The following PCM1 variants were observed in gnomAD, a reference collection of about 807,000 sequenced individuals.
PCM1 encodes the protein pericentriolar material 1 protein.
PCM1 carries 157 observed loss-of-function variants against 241.9 expected under a neutral mutation model. The observed-to-expected ratio is 0.65, with a 90% CI of 0.57 to 0.74. The LOEUF is 0.74. Among genes scored for constraint, PCM1 ranks in the 30% least tolerant of loss-of-function variants. The pLI is 0.00. For synonymous variants in PCM1, 1,085 were observed against 784.9 expected, an observed-to-expected ratio of 1.38 and a Z score of -6.39; for missense variants, 3,478 against 2,360.1, an observed-to-expected ratio of 1.47 and a Z score of -9.81.
chr8:17,990,972 C>T (rs1442191403), intron 27 of PCM1, among the ~76,000 whole-genome samples: 1 of 152,090 alleles, frequency 6.6e-6, no homozygotes, highest in African/African-American at 2.4e-5. Context: ...CCAACCCTCA[C>T]CCCTTAGGTT....
chr8:17,984,991 T>C (rs36049816), intron 24 of PCM1, among the ~76,000 whole-genome samples: 71,568 of 151,718 alleles, frequency 0.47, 18,925 homozygotes, highest in Non-Finnish European at 0.62. Flanking sequence ...CTTAATCTAG[T>C]AGCTTTCATT....
At chr8:17,961,304 CTT>C (rs35468848) in intron 15 of PCM1, among the ~76,000 whole-genome samples, 5 of 79,138 alleles carry the variant, frequency 6.3e-5, no homozygotes, top group East Asian at 4.2e-4. Flanking sequence ...TATTGGCTAG[CTT>C]TTTTTTTTTT....
At chr8:17,934,156 C>T (rs1389882570) in intron 2 of PCM1, among the ~76,000 whole-genome samples, 1 of 152,022 alleles carries the variant, frequency 6.6e-6, no homozygotes, top group Non-Finnish European at 1.5e-5. Flanking sequence ...TCTACTTTTT[C>T]AGAGTTGATA....
chr8:17,996,336 T>C (rs965080746), intron 29 of PCM1, among the ~76,000 whole-genome samples: 3 of 152,246 alleles, frequency 2.0e-5, no homozygotes, highest in African/African-American at 2.4e-5. Flanking sequence ...ATGTATTACA[T>C]TGATTGATTT....
At chr8:17,989,328 G>A (rs979042000) in intron 26 of PCM1, among the ~76,000 whole-genome samples, 34 of 151,998 alleles carry the variant, frequency 2.2e-4, no homozygotes, top group South Asian at 1.0e-3. Flanking sequence ...CAGTGGAAAT[G>A]GTCTTTATCT....
rs1554670204 is a variant in PCM1 at position 17,960,533 on chromosome 8, C to CTTTTCTTTTTT, written c.2322+93_2322+94insCTTTTTTTTTT. The CTTTTCTTTTTT allele has an allele frequency of 9.9e-5, 60 of 604,500 alleles. 1 individual carries two copies. The East Asian group carries it at 1.9e-3, about 19-fold the overall frequency. The allele number at this position is 604,500 out of a possible 1,614,324, so 37.4% of individuals were successfully genotyped here. A position where few individuals can be genotyped will look rare whatever the true frequency, so the allele number is the denominator to read the frequency against. Reference sequence around the variant, plus strand: ...AGTACTCTTTTTTGTTTTTGTTTTTCTTTTTTTTTGAGGCAGAGTCTCACT... The same window carrying CTTTTCTTTTTT: ...AGTACTCTTTTTTGTTTTTGTTTTTCTTTTCTTTTTTTTTTTTTTTGAGGCAGAGTCTCACT... On this transcript the variant is annotated intron_variant, in intron 15 of 38. Coordinates refer to ENST00000325083, the MANE Select transcript of PCM1 (RefSeq NM_006197.4).
rs1208336026 is a variant in PCM1 at position 17,956,604 on chromosome 8, G to T, written c.1473G>T (p.Gln491His). ...TATACATAAATTTTTTGTTTATCAGGAAGTTAAATGAAGTTCGAAAGAGAT... is the reference window on the plus strand; with the variant it reads ...TATACATAAATTTTTTGTTTATCAGTAAGTTAAATGAAGTTCGAAAGAGAT... ...EGHLNPSEKL[Q>H]KLNEVRKRLN... is the part of the protein sequence containing the mutation. The change falls in exon 11 of 39, where the codon CAG becomes CAT. Residue 491 changes from glutamine (Q) to histidine (H), a missense_variant and splice_region_variant. Transcript: ENST00000325083. 6.4e-7 allele frequency: 1 copy of T among 1,567,766 alleles called. No homozygotes were observed. Among genetic ancestry groups the T allele is most frequent in the Admixed American group, 1.8e-5 (1 of 54,352 alleles).
chr8:18,003,831 T>A (rs1053765682), intron 29 of PCM1, among the ~76,000 whole-genome samples: 1 of 152,146 alleles, frequency 6.6e-6, no homozygotes, highest in African/African-American at 2.4e-5. Context: ...TATATAGATA[T>A]TTATCTCAGA....
intron 6 of PCM1, among the ~76,000 whole-genome samples, chr8:17,946,321 G>A (rs1256326921): frequency 1.3e-5 from 2 of 151,982 alleles, no homozygotes; most frequent in African/African-American, 4.8e-5. Context: ...TATAAAATTC[G>A]TTATTTTCTT....
intron 29 of PCM1, among the ~76,000 whole-genome samples, chr8:18,004,342 A>T (rs561614855): frequency 6.6e-6 from 1 of 152,298 alleles, no homozygotes; most frequent in East Asian, 1.9e-4. Flanking sequence ...TTAGTTGGCT[A>T]AAGTGGCTAG....
intron 34 of PCM1, among the ~76,000 whole-genome samples, chr8:18,013,446 C>T (rs1471383549): frequency 6.6e-6 from 1 of 152,210 alleles, no homozygotes; most frequent in African/African-American, 2.4e-5. Flanking sequence ...CTGCCATTTT[C>T]TGTTGAGGTG....
chr8:17,992,668 A>G (rs1023640168), intron 28 of PCM1, among the ~76,000 whole-genome samples: 15 of 149,166 alleles, frequency 1.0e-4, no homozygotes, highest in African/African-American at 3.5e-4. Flanking sequence ...CCAGGCTGCA[A>G]TGCAGTGGCA....
At chr8:17,973,717 G>GAAA (rs756070246) in intron 23 of PCM1, among the ~76,000 whole-genome samples, 2 of 112,606 alleles carry the variant, frequency 1.8e-5, no homozygotes, top group Non-Finnish European at 3.8e-5. Context: ...GTCTCTGTCA[G>GAAA]AAAAAAAAAA....
chr8:17,950,375 A>G (rs2065577596), intron 7 of PCM1, among the ~76,000 whole-genome samples: 1 of 152,180 alleles, frequency 6.6e-6, no homozygotes, highest in Non-Finnish European at 1.5e-5. Flanking sequence ...CCCTCCTTGT[A>G]TGTTGGGACA....
rs780703131 is a variant in PCM1, at chr8:17,989,974, A to G, written c.4526A>G (p.Asp1509Gly). Residue 1509 changes from aspartate to glycine, a missense_variant, in exon 27 of 39, where the codon GAT becomes GGT. By Grantham distance (94) the Asp-to-Gly change is moderately conservative. Coordinates refer to ENST00000325083, the MANE Select transcript of PCM1 (RefSeq NM_006197.4). ...SSNFEPFATD[D>G]LGNTVIHLDQ... ...AATTTTGAGCCTTTTGCAACAGATG[A>G]TCTAGGTAAGCAGAATTGTTTATAA... 1.4e-5 allele frequency: 21 copies of G among 1,530,596 alleles called. No individual in the cohort carries two copies. The highest frequency in any genetic ancestry group is 2.8e-5 in the African/African-American group (2 of 72,170). The allele number at this position is 1,530,596 out of a possible 1,614,324, so 94.8% of individuals were successfully genotyped here.
Position 17,939,673 on chromosome 8 carries a change from AAAAT to A in PCM1, c.613-16_613-13del. Reference sequence around the variant, plus strand: ...GTGTACTTTCATGCTTTTTTTAAAAAAAATATTTCCCCTGCAGATTGTAAGCAGG... The same window carrying A: ...GTGTACTTTCATGCTTTTTTTAAAAAATTTCCCCTGCAGATTGTAAGCAGG... On this transcript the variant is annotated splice_polypyrimidine_tract_variant and intron_variant, in intron 5 of 38. Coordinates refer to ENST00000325083, the MANE Select transcript of PCM1 (RefSeq NM_006197.4). 1 of 1,456,400 alleles carries A rather than the reference AAAAT, an allele frequency of 6.9e-7. No homozygotes were observed. The highest frequency in any genetic ancestry group is 2.5e-5 in the East Asian group (1 of 40,060). 90.2% of individuals were successfully genotyped at this position (1,456,400 alleles called of 1,614,324 possible). A position where few individuals can be genotyped will look rare whatever the true frequency, so the allele number is the denominator to read the frequency against.
At chr8:18,018,877 TATACACACACATATACATAC>T (rs2093503164) in intron 36 of PCM1, among the ~76,000 whole-genome samples, 1 of 38,738 alleles carries the variant, frequency 2.6e-5, no homozygotes, top group African/African-American at 6.5e-5. Flanking sequence ...TATATATATA[TATACACACACATATACATAC>T]ACATATATAT....
chr8:17,937,772 C>G (rs2060829133), intron 4 of PCM1, among the ~76,000 whole-genome samples: 2 of 152,072 alleles, frequency 1.3e-5, no homozygotes, highest in South Asian at 2.1e-4. Flanking sequence ...AAACTATTTT[C>G]TGTTTATAAT....
At chr8:17,978,878 T>G (rs1023160346) in intron 23 of PCM1, among the ~76,000 whole-genome samples, 4 of 152,232 alleles carry the variant, frequency 2.6e-5, no homozygotes, top group African/African-American at 9.6e-5. Flanking sequence ...TTCAGACATG[T>G]AATGATGATT....
Sources: allele counts gnomAD v4.1 joint callset (sites outside exome capture counted in the v4.1 genomes callset), GRCh38; gene constraint gnomAD v4.1.1; transcripts MANE v1.5; gene names NCBI Gene and HGNC (gene_info 2026-07-23, HGNC 2026-07-21).